Variants in XIRP2 observed in about 807,000 individuals in gnomAD.
The protein encoded by XIRP2 is xin actin binding repeat containing 2.
XIRP2 carries 236 observed loss-of-function variants against 277.0 expected under a neutral mutation model. The ratio of observed to expected loss-of-function variants is 0.85; its 90% CI spans 0.77 to 0.95. The LOEUF is 0.95. Among genes scored for constraint, XIRP2 ranks in the 40% least tolerant of loss-of-function variants. XIRP2 has a pLI of 0.00. For missense variants in XIRP2, 4,640 were observed against 4,157.5 expected, an observed-to-expected ratio of 1.12 and a Z score of -3.19; for synonymous variants, 1,490 against 1,416.5, an observed-to-expected ratio of 1.05 and a Z score of -1.17.
chr2:167,249,066 T>C lies in XIRP2; in HGVS notation c.7674T>C (p.Ile2558=), dbSNP rs533159553. ...EEKYRQQKEE[I]EKQKQESSYY... is the part of the protein sequence containing the mutation. Reference sequence around the variant, plus strand: ...AATATAGACAACAAAAAGAAGAAATTGAAAAACAGAAACAGGAGAGTTCTT... The same window carrying C: ...AATATAGACAACAAAAAGAAGAAATCGAAAAACAGAAACAGGAGAGTTCTT... Residue 2558 remains isoleucine, a synonymous_variant, in exon 9 of 11, where the codon ATT becomes ATC. Coordinates refer to ENST00000409195, the MANE Select transcript of XIRP2 (RefSeq NM_152381.6). The C allele has an allele frequency of 2.2e-5, 35 of 1,611,848 alleles. No individual in the cohort carries two copies. In the South Asian group the frequency reaches 3.9e-4, roughly 18 times the overall value.
intron 3 of XIRP2, among the ~76,000 whole-genome samples, chr2:167,139,561 C>T (rs781272988): frequency 7.9e-5 from 12 of 152,164 alleles, no homozygotes; most frequent in East Asian, 1.9e-4. Context: ...TCTCCTCTGA[C>T]GGGTTTTACA....
intron 2 of XIRP2, among the ~76,000 whole-genome samples, chr2:167,000,419 A>C (rs947893261): frequency 2.6e-5 from 4 of 151,752 alleles, no homozygotes; most frequent in Non-Finnish European, 4.4e-5. Flanking sequence ...TTGCATCACT[A>C]CGTTTCTCTG....
In XIRP2 at chr2:167,218,287, A is replaced by G. The variant is rs1045498161; in HGVS notation, c.845A>G (p.Asn282Ser). 1.3e-6 allele frequency: 2 copies of G among 1,582,910 alleles called. No homozygotes were observed. Among genetic ancestry groups the G allele is most frequent in the Non-Finnish European group, 1.7e-6 (2 of 1,164,800 alleles). The change falls in exon 5 of 11, where the codon AAC becomes AGC. Residue 282 changes from asparagine to serine, a missense_variant. Coordinates refer to ENST00000409195, the MANE Select transcript of XIRP2 (RefSeq NM_152381.6). Reference sequence around the variant, plus strand: ...GCTCAATACCAATATCAACATCAGAACAGATCTGAGCAGGTAATACTACTA... The same window carrying G: ...GCTCAATACCAATATCAACATCAGAGCAGATCTGAGCAGGTAATACTACTA... ...TFAQYQYQHQ[N>S]RSEQEAIHSS...
chr2:167,064,077 C>A (rs1300812029), intron 2 of XIRP2, among the ~76,000 whole-genome samples: 1 of 151,512 alleles, frequency 6.6e-6, no homozygotes, highest in Non-Finnish European at 1.5e-5. Context: ...TTTATAAAGT[C>A]TGTTGTATTT....
At chr2:167,211,072 A>G (rs1378099483) in intron 4 of XIRP2, among the ~76,000 whole-genome samples, 177 bp downstream of exon 4, 2 of 152,192 alleles carry the variant, frequency 1.3e-5, no homozygotes, top group South Asian at 2.1e-4. Context: ...TGTGCTACTT[A>G]TTACTTGTGT....
intron 2 of XIRP2, among the ~76,000 whole-genome samples, chr2:167,002,428 A>T (rs575668242): frequency 2.9e-4 from 44 of 151,950 alleles, no homozygotes; most frequent in Non-Finnish European, 2.7e-4. Flanking sequence ...AGTGTCTAAC[A>T]TGATTATGGT....
Position 167,259,520 on chromosome 2 carries a change from C to A in XIRP2, c.*1703C>A. On this transcript the variant is annotated 3_prime_UTR_variant, in exon 11 of 11. Coordinates refer to ENST00000409195, the MANE Select transcript of XIRP2 (RefSeq NM_152381.6). ...TCTCAATGGGATATTTCTTGTATTA[C>A]ACCTTGTCATTTTTTTCACAATTTA... 3.0e-6 allele frequency: 2 copies of A among 661,378 alleles called. No individual in the cohort carries two copies. The highest frequency in any genetic ancestry group is 3.2e-5 in the South Asian group (1 of 31,358). The allele number at this position is 661,378 out of a possible 1,614,324, so 41.0% of individuals were successfully genotyped here.
intron 3 of XIRP2, among the ~76,000 whole-genome samples, chr2:167,168,919 T>G (rs906470350): frequency 2.6e-5 from 4 of 152,208 alleles, no homozygotes; most frequent in African/African-American, 7.2e-5. Context: ...TCTTTATCCA[T>G]TAGGGCCCTT....
chr2:167,220,467 C>T (rs1245411035), intron 5 of XIRP2, among the ~76,000 whole-genome samples: 1 of 152,144 alleles, frequency 6.6e-6, no homozygotes, highest in African/African-American at 2.4e-5. Context: ...AACACATTGC[C>T]TGGTCCATTG....
chr2:167,090,874 C>A (rs1187517500), intron 2 of XIRP2, among the ~76,000 whole-genome samples: 1 of 152,052 alleles, frequency 6.6e-6, no homozygotes, highest in Non-Finnish European at 1.5e-5. Context: ...AACCCAAACA[C>A]CATCCACTAG....
intron 5 of XIRP2, among the ~76,000 whole-genome samples, chr2:167,229,927 T>C (rs2105415665): frequency 6.6e-6 from 1 of 152,236 alleles, no homozygotes; most frequent in South Asian, 2.1e-4. Flanking sequence ...TTGTTCTTTT[T>C]CCTTTGCTCC....
At chr2:167,240,198 G>A (rs972364264) in intron 6 of XIRP2, among the ~76,000 whole-genome samples, 3 of 151,986 alleles carry the variant, frequency 2.0e-5, no homozygotes, top group African/African-American at 7.3e-5. Flanking sequence ...CAGATCATGA[G>A]GTCAGGTGTT....
intron 3 of XIRP2, among the ~76,000 whole-genome samples, chr2:167,205,028 T>C (rs1693817319): frequency 6.6e-6 from 1 of 152,190 alleles, no homozygotes; most frequent in Non-Finnish European, 1.5e-5. Flanking sequence ...TGCTTCACAG[T>C]TTCATCCCCT....
chr2:167,028,412 G>T (rs746612174), intron 2 of XIRP2, among the ~76,000 whole-genome samples: 3 of 152,024 alleles, frequency 2.0e-5, no homozygotes, highest in Non-Finnish European at 2.9e-5. Context: ...AAAAGTGTCT[G>T]CCTGGTAATC....
chr2:166,946,742 A>G (rs982347258), intron 2 of XIRP2, among the ~76,000 whole-genome samples: 2 of 152,132 alleles, frequency 1.3e-5, no homozygotes, highest in African/African-American at 2.4e-5. Flanking sequence ...TATTTTATCT[A>G]CTCATTAATT....
intron 10 of XIRP2, 61 bp from the exon 11 acceptor site, chr2:167,257,796 C>T (rs1002355795): frequency 2.0e-6 from 3 of 1,490,880 alleles, no homozygotes; most frequent in Admixed American, 2.3e-5. Context: ...TAATTAATCC[C>T]CAATTCCCTA....
chr2:166,906,366 A>G (rs1285449787), intron 2 of XIRP2, among the ~76,000 whole-genome samples: 1 of 152,096 alleles, frequency 6.6e-6, no homozygotes, highest in African/African-American at 2.4e-5. Context: ...ATAGACATAC[A>G]TAAACATACA....
intron 5 of XIRP2, among the ~76,000 whole-genome samples, chr2:167,231,450 T>A (rs184807230): frequency 6.6e-6 from 1 of 152,162 alleles, no homozygotes; most frequent in Admixed American, 6.6e-5. Flanking sequence ...TTCTACTATG[T>A]TATGTATTGT....
At chr2:167,026,614 A>G (rs1297856707) in intron 2 of XIRP2, among the ~76,000 whole-genome samples, 1 of 152,028 alleles carries the variant, frequency 6.6e-6, no homozygotes, top group South Asian at 2.1e-4. Flanking sequence ...TTCCATGTTT[A>G]CTGCTTCCTT....
Sources: gnomAD v4.1 joint callset for allele counts (sites outside exome capture counted in the v4.1 genomes callset) on GRCh38, gnomAD v4.1.1 for gene constraint, MANE v1.5 for transcripts, NCBI Gene and HGNC (gene_info 2026-07-23, HGNC 2026-07-21) for gene names.